The following MECOM variants were observed in gnomAD, a reference collection of about 807,000 sequenced individuals.
MECOM encodes MDS1 and EVI1 complex locus, also known as histone-lysine N-methyltransferase MECOM.
A neutral mutation model predicts 116.3 loss-of-function variants in MECOM; 13 were observed. That is an observed-to-expected ratio of 0.11 (90% CI 0.07 to 0.18). MECOM has a LOEUF of 0.18. MECOM is among the 10% of genes least tolerant of loss of function. MECOM has a pLI of 1.00. For missense variants in MECOM, 1,299 were observed against 1,509.0 expected (o/e 0.86, Z 2.31); for synonymous variants, 528 against 535.2 (o/e 0.99, Z 0.19).
intron 2 of MECOM, among the ~76,000 whole-genome samples, chr3:169,317,217 T>C (rs868520690): frequency 1.3e-5 from 2 of 152,322 alleles, no homozygotes; most frequent in Admixed American, 6.5e-5. Flanking sequence ...TACATTAAAG[T>C]TAAACAAATC....
chr3:169,282,977 CT>C (rs35288002), intron 2 of MECOM, among the ~76,000 whole-genome samples: 2 of 151,556 alleles, frequency 1.3e-5, no homozygotes, highest in Non-Finnish European at 2.9e-5. Flanking sequence ...CTATGAGAAA[CT>C]TTTTTTTCCA....
chr3:169,315,900 T>TA (rs971640889), intron 2 of MECOM, among the ~76,000 whole-genome samples: 122 of 152,034 alleles, frequency 8.0e-4, no homozygotes, highest in African/African-American at 2.4e-3. Flanking sequence ...CCCCATAACA[T>TA]AAAAAAAATT....
chr3:169,289,706 T>C (rs1330189583), intron 2 of MECOM, among the ~76,000 whole-genome samples: 1 of 152,164 alleles, frequency 6.6e-6, no homozygotes, highest in African/African-American at 2.4e-5. Context: ...AAAAATTAAC[T>C]CCTGATGAGT....
chr3:169,455,144 A>T (rs186293940), intron 1 of MECOM, among the ~76,000 whole-genome samples: 45 of 152,332 alleles, frequency 3.0e-4, no homozygotes, highest in Admixed American at 2.9e-3. Context: ...GCTAAGTGTC[A>T]TTATAAGGTT....
chr3:169,442,040 C>T (rs1743822560), intron 1 of MECOM, among the ~76,000 whole-genome samples: 1 of 152,180 alleles, frequency 6.6e-6, no homozygotes, highest in Admixed American at 6.5e-5. Context: ...ATTTTCCTAC[C>T]TCAGCCTCCT....
At chr3:169,350,182 A>T (rs913800340) in intron 2 of MECOM, among the ~76,000 whole-genome samples, 1 of 151,940 alleles carries the variant, frequency 6.6e-6, no homozygotes, top group African/African-American at 2.4e-5. Flanking sequence ...CTTACACTTC[A>T]CATGTCAACA....
At chr3:169,539,254 C>T (rs948504192) in intron 1 of MECOM, among the ~76,000 whole-genome samples, 1 of 152,146 alleles carries the variant, frequency 6.6e-6, no homozygotes, top group African/African-American at 2.4e-5. Context: ...AGTTTCCTCT[C>T]AGAGGCCTAT....
At chr3:169,429,746 C>T (rs755767831) in intron 1 of MECOM, among the ~76,000 whole-genome samples, 23 of 152,186 alleles carry the variant, frequency 1.5e-4, no homozygotes, top group Middle Eastern at 3.2e-3. Flanking sequence ...TCACTAATCC[C>T]TCTTAGTCTC....
intron 2 of MECOM, among the ~76,000 whole-genome samples, chr3:169,300,930 C>T (rs754077092): frequency 6.6e-5 from 10 of 152,218 alleles, no homozygotes; most frequent in Non-Finnish European, 1.3e-4. Flanking sequence ...CAAGGCTTCG[C>T]TCAATAAGTG....
intron 2 of MECOM, among the ~76,000 whole-genome samples, chr3:169,367,763 T>C (rs1394232484): frequency 1.3e-5 from 2 of 152,046 alleles, no homozygotes; most frequent in African/African-American, 2.4e-5. Context: ...GATCTGCAAG[T>C]AGTCTATTGG....
chr3:169,517,198 G>A (rs1409609365), intron 1 of MECOM, among the ~76,000 whole-genome samples: 1 of 152,128 alleles, frequency 6.6e-6, no homozygotes, highest in Non-Finnish European at 1.5e-5. Context: ...TGATAAAGGG[G>A]CCACCACCAC....
At chr3:169,183,989 C>T (rs888417952) in intron 2 of MECOM, among the ~76,000 whole-genome samples, 10 of 151,908 alleles carry the variant, frequency 6.6e-5, no homozygotes, top group Admixed American at 5.2e-4. Context: ...CTCAGCCTCC[C>T]GAATAGCTGG....
At chr3:169,299,476 G>A (rs750615725) in intron 2 of MECOM, among the ~76,000 whole-genome samples, 1 of 152,160 alleles carries the variant, frequency 6.6e-6, no homozygotes, top group Admixed American at 6.5e-5. Context: ...TAGGTCACCC[G>A]ATTTGGGTTT....
At chr3:169,575,868 A>C (rs1165337876) in intron 1 of MECOM, among the ~76,000 whole-genome samples, 2 of 150,752 alleles carry the variant, frequency 1.3e-5, no homozygotes, top group African/African-American at 4.8e-5. Context: ...TTCCCTTAAG[A>C]GTTAAAAAAA....
intron 1 of MECOM, among the ~76,000 whole-genome samples, chr3:169,617,903 A>C: frequency 6.6e-6 from 1 of 152,136 alleles, no homozygotes; most frequent in East Asian, 1.9e-4. Context: ...TTCTTAGAAC[A>C]ACTGTCTCCC....
intron 1 of MECOM, among the ~76,000 whole-genome samples, chr3:169,593,883 C>T (rs1345329940): frequency 1.3e-5 from 2 of 152,144 alleles, no homozygotes; most frequent in Non-Finnish European, 2.9e-5. Context: ...CTCTGGGACA[C>T]CAAAGCAGGC....
chr3:169,367,358 T>TG (rs1729359683), intron 2 of MECOM, among the ~76,000 whole-genome samples: 2 of 151,546 alleles, frequency 1.3e-5, no homozygotes, highest in African/African-American at 4.9e-5. Context: ...AATTTTTTTT[T>TG]TGTGGGGGTA....
chr3:169,147,733 TGC>T (rs374314316), intron 2 of MECOM: 26 of 977,784 alleles, frequency 2.7e-5, no homozygotes, highest in Non-Finnish European at 3.1e-5. Context: ...TGTGTGTGTG[TGC>T]GCGCGAGTGT....
At chr3:169,374,633 T>C (rs77903644) in intron 2 of MECOM, among the ~76,000 whole-genome samples, 2,080 of 152,098 alleles carry the variant, frequency 0.014, 21 homozygotes, top group Middle Eastern at 0.041. Flanking sequence ...TCACGTTGTC[T>C]CATAATGGCT....
Sources: allele counts gnomAD v4.1 joint callset (sites outside exome capture counted in the v4.1 genomes callset), GRCh38; gene constraint gnomAD v4.1.1; transcripts MANE v1.5; gene names NCBI Gene and HGNC (gene_info 2026-07-23, HGNC 2026-07-21).